BTBD9: variants seen among roughly 807,000 people sequenced by gnomAD.
BTBD9 encodes the protein BTB domain containing 9, also known as BTB/POZ domain-containing protein 9.
A neutral mutation model predicts 64.3 loss-of-function variants in BTBD9; 49 were observed. That is an observed-to-expected ratio of 0.76 (90% CI 0.61 to 0.97). The LOEUF is 0.97. BTBD9 is among the 50% of genes least tolerant of loss of function. The pLI is 0.00. For missense variants in BTBD9, 598 were observed against 762.1 expected, an observed-to-expected ratio of 0.78 and a Z score of 2.53; for synonymous variants, 260 against 274.7, an observed-to-expected ratio of 0.95 and a Z score of 0.53.
chr6:38,304,147 T>C (rs916635047), intron 7 of BTBD9, among the ~76,000 whole-genome samples: 7 of 151,742 alleles, frequency 4.6e-5, no homozygotes, highest in African/African-American at 1.7e-4. Context: ...TACGTGTATA[T>C]CAGTGAAATC....
intron 6 of BTBD9, among the ~76,000 whole-genome samples, chr6:38,430,718 T>C (rs1360445376): frequency 6.6e-6 from 1 of 151,700 alleles, no homozygotes; most frequent in Non-Finnish European, 1.5e-5. Context: ...TCTCCCTATG[T>C]TGACCAGGCT....
In BTBD9 at chr6:38,402,913, G is replaced by GA. The variant is rs528181593; in HGVS notation, c.1155-57821dup. 1,007 of 670,948 alleles carry GA rather than the reference G, an allele frequency of 1.5e-3. 1 individual carries two copies. The highest frequency in any genetic ancestry group is 2.2e-3 in the Non-Finnish European group (821 of 372,512). 41.6% of individuals were successfully genotyped at this position (670,948 alleles called of 1,614,324 possible). A position where few individuals can be genotyped will look rare whatever the true frequency, so the allele number is the denominator to read the frequency against. ...TGAGACTCCATCTCCACTAAAATTA[G>GA]AAAAAAAAATTAGCTGGACTTTGGT... On this transcript the variant is annotated intron_variant, in intron 6 of 10. Coordinates refer to ENST00000481247, the MANE Select transcript of BTBD9 (RefSeq NM_001099272.2).
intron 6 of BTBD9, among the ~76,000 whole-genome samples, chr6:38,484,434 TGAA>T (rs1771306641): frequency 6.6e-6 from 1 of 152,250 alleles, no homozygotes; most frequent in Non-Finnish European, 1.5e-5. Flanking sequence ...AATCAGTTCC[TGAA>T]GAAGAATACT....
At chr6:38,610,090 T>A (rs1045885755) in intron 1 of BTBD9, among the ~76,000 whole-genome samples, 3 of 152,360 alleles carry the variant, frequency 2.0e-5, no homozygotes, top group African/African-American at 7.2e-5. Flanking sequence ...ATAAATTTTT[T>A]AAATGTTGTT....
chr6:38,320,148 G>A (rs1763176394), intron 7 of BTBD9, among the ~76,000 whole-genome samples: 1 of 152,172 alleles, frequency 6.6e-6, no homozygotes, highest in South Asian at 2.1e-4. Flanking sequence ...GGCTACTGGG[G>A]GAGAGATGGC....
chr6:38,490,488 T>C (rs963765850), intron 6 of BTBD9, among the ~76,000 whole-genome samples: 31 of 151,988 alleles, frequency 2.0e-4, no homozygotes, highest in Non-Finnish European at 2.6e-4. Flanking sequence ...GCCTGGCTAA[T>C]TTTTGTATTT....
intron 9 of BTBD9, among the ~76,000 whole-genome samples, chr6:38,250,752 A>G (rs541709392): frequency 6.6e-6 from 1 of 152,332 alleles, no homozygotes; most frequent in East Asian, 1.9e-4. Flanking sequence ...GAGTCGAGAA[A>G]TATTGTCTAT....
intron 6 of BTBD9, among the ~76,000 whole-genome samples, chr6:38,505,241 G>T (rs183866599): frequency 6.6e-6 from 1 of 152,072 alleles, no homozygotes; most frequent in African/African-American, 2.4e-5. Context: ...ACATGCCAAC[G>T]AATTTTAAGT....
chr6:38,441,808 C>T (rs1582437173), intron 6 of BTBD9, among the ~76,000 whole-genome samples: 1 of 152,104 alleles, frequency 6.6e-6, no homozygotes, highest in South Asian at 2.1e-4. Flanking sequence ...CATATATTAC[C>T]TCATTATTCC....
chr6:38,350,004 T>A (rs961359588), intron 6 of BTBD9, among the ~76,000 whole-genome samples: 1 of 152,190 alleles, frequency 6.6e-6, no homozygotes, highest in African/African-American at 2.4e-5. Flanking sequence ...GTTTAAAGTA[T>A]CTTCTCCCTT....
chr6:38,406,120 A>G (rs1251831284), intron 6 of BTBD9, among the ~76,000 whole-genome samples: 1 of 152,202 alleles, frequency 6.6e-6, no homozygotes, highest in Admixed American at 6.5e-5. Flanking sequence ...ATAGGTCTTT[A>G]GGTAAAAGGC....
At chr6:38,232,759 A>C (rs1019876926) in intron 9 of BTBD9, among the ~76,000 whole-genome samples, 2 of 150,044 alleles carry the variant, frequency 1.3e-5, no homozygotes, top group Admixed American at 6.7e-5. Context: ...TCAGCCTCCC[A>C]AGTAGCTAAG....
At chr6:38,547,208 AG>A (rs1774593065) in intron 6 of BTBD9, among the ~76,000 whole-genome samples, 2 of 152,302 alleles carry the variant, frequency 1.3e-5, no homozygotes, top group South Asian at 4.1e-4. Flanking sequence ...TAAGTGCTCA[AG>A]TGAAAGGAAG....
chr6:38,426,136 T>C (rs1045916654), intron 6 of BTBD9, among the ~76,000 whole-genome samples: 1 of 151,856 alleles, frequency 6.6e-6, no homozygotes, highest in Admixed American at 6.6e-5. Flanking sequence ...TAATGAAGAA[T>C]GTTTGATGTG....
At chr6:38,387,201 T>C (rs1766209970) in intron 6 of BTBD9, among the ~76,000 whole-genome samples, 1 of 152,244 alleles carries the variant, frequency 6.6e-6, no homozygotes, top group Non-Finnish European at 1.5e-5. Flanking sequence ...TCTGTACATA[T>C]TTGTTTGTTA....
At chr6:38,318,218 C>A (rs377577055) in intron 7 of BTBD9, among the ~76,000 whole-genome samples, 3 of 152,280 alleles carry the variant, frequency 2.0e-5, no homozygotes, top group South Asian at 2.1e-4. Flanking sequence ...TGAATTCTCT[C>A]TTTGAAAGGT....
In BTBD9 at chr6:38,638,009, C is replaced by A. The variant is rs563263105; in HGVS notation, c.-28+1791G>T. Among the ~76,000 whole-genome samples, 3 of 152,290 alleles carry A rather than the reference C, an allele frequency of 2.0e-5. No individual in the cohort carries two copies. In the South Asian group the frequency reaches 6.2e-4, roughly 32 times the overall value. On this transcript the variant is annotated intron_variant, in intron 1 of 10. Coordinates refer to ENST00000481247, the MANE Select transcript of BTBD9 (RefSeq NM_001099272.2). The stretch of plus-strand genomic sequence containing the variant: ...CCAGTATTCCCCTATAAGAGACGTT[C>A]CGCTCCAGTTACCAGACATAAAAGT...
chr6:38,306,938 T>TG (rs1245647691), intron 7 of BTBD9, among the ~76,000 whole-genome samples: 1 of 152,254 alleles, frequency 6.6e-6, no homozygotes, highest in Non-Finnish European at 1.5e-5. Context: ...AACAGCACAG[T>TG]GGTTCATGCA....
At chr6:38,410,870 A>G (rs1767395821) in intron 6 of BTBD9, among the ~76,000 whole-genome samples, 1 of 152,194 alleles carries the variant, frequency 6.6e-6, no homozygotes, top group Admixed American at 6.5e-5. Context: ...TCTATAAAAA[A>G]TAATTTAAAA....
Sources: gnomAD v4.1 joint callset for allele counts (sites outside exome capture counted in the v4.1 genomes callset) on GRCh38, gnomAD v4.1.1 for gene constraint, MANE v1.5 for transcripts, NCBI Gene and HGNC (gene_info 2026-07-23, HGNC 2026-07-21) for gene names.